Variants in ANGPT1 observed in about 807,000 individuals in gnomAD.
ANGPT1 encodes the protein angiopoietin 1, also known as angiopoietin-1.
In ANGPT1, 17 loss-of-function variants were observed where a neutral mutation model predicts 62.2. The observed-to-expected ratio is 0.27, with a 90% CI of 0.19 to 0.41. The LOEUF is 0.41. Among genes scored for constraint, ANGPT1 ranks in the 10% least tolerant of loss-of-function variants. The pLI, the probability that ANGPT1 is intolerant of heterozygous loss-of-function variation, is 1.00. For synonymous variants in ANGPT1, 199 were observed against 198.9 expected, an observed-to-expected ratio of 1.00 and a Z score of 0.00; for missense variants, 478 against 594.9, an observed-to-expected ratio of 0.80 and a Z score of 2.04.
At chr8:107,287,776 T>C (rs1814177588) in intron 6 of ANGPT1, among the ~76,000 whole-genome samples, 1 of 152,314 alleles carries the variant, frequency 6.6e-6, no homozygotes, top group Admixed American at 6.5e-5. Flanking sequence ...ACATATTTGC[T>C]GTAGAAATAT....
At chr8:107,397,900 C>T (rs1331805551) in intron 1 of ANGPT1, among the ~76,000 whole-genome samples, 1 of 152,266 alleles carries the variant, frequency 6.6e-6, no homozygotes, top group East Asian at 1.9e-4. Context: ...AAAAAACCTA[C>T]TTGTTCATAC....
At position 107,497,253 on chromosome 8, in the gene ANGPT1, A is replaced by G. The variant is rs756249089; in HGVS notation, c.297+9T>C. 2.5e-6 allele frequency: 4 copies of G among 1,612,408 alleles called. No homozygotes were observed. Among genetic ancestry groups the G allele is most frequent in the South Asian group, 2.2e-5 (2 of 90,970 alleles). Reference sequence around the variant, plus strand: ...TCCGTGCTATTAGAAACTGAAAGCAATCACTTACTTTTTGCAGCCACTGAG... The same window carrying G: ...TCCGTGCTATTAGAAACTGAAAGCAGTCACTTACTTTTTGCAGCCACTGAG... On this transcript the variant is annotated intron_variant, in intron 1 of 8. Coordinates refer to ENST00000517746, the MANE Select transcript of ANGPT1 (RefSeq NM_001146.5).
chr8:107,425,668 G>A (rs1271383763), intron 1 of ANGPT1, among the ~76,000 whole-genome samples: 6 of 152,100 alleles, frequency 3.9e-5, no homozygotes, highest in Non-Finnish European at 8.8e-5. Context: ...CCGATCCTGG[G>A]GTTATCCCAA....
chr8:107,440,114 T>C lies in ANGPT1; in HGVS notation c.297+57148A>G, dbSNP rs148021694. ...GATGTTCCATAAACAGAAAGAAATA[T>C]GTGACTGGGTAGAATATGAAAGGTC... On this transcript the variant is annotated intron_variant, in intron 1 of 8. Coordinates refer to ENST00000517746, the MANE Select transcript of ANGPT1 (RefSeq NM_001146.5). Among the ~76,000 whole-genome samples the C allele has an allele frequency of 2.7e-4, 41 of 152,206 alleles. No individual in the cohort carries two copies. In the East Asian group the frequency reaches 7.2e-3, roughly 27 times the overall value.
chr8:107,305,705 A>C (rs1207238290), intron 4 of ANGPT1, among the ~76,000 whole-genome samples: 1 of 152,056 alleles, frequency 6.6e-6, no homozygotes, highest in Non-Finnish European at 1.5e-5. Context: ...CATATCTGAA[A>C]TAGATATTGT....
chr8:107,293,435 A>G (rs1814331645), intron 6 of ANGPT1, among the ~76,000 whole-genome samples: 1 of 152,194 alleles, frequency 6.6e-6, no homozygotes, highest in Non-Finnish European at 1.5e-5. Flanking sequence ...GGAGGATGAC[A>G]AGTGCTACGT....
At position 107,250,003 on chromosome 8, in the gene ANGPT1, G is replaced by C. The variant is rs771920254; in HGVS notation, c.*1852C>G. 1.3e-5 allele frequency: 2 copies of C among 151,760 alleles called. No individual in the cohort carries two copies. Among genetic ancestry groups the C allele is most frequent in the Non-Finnish European group, 3.0e-5 (2 of 67,786 alleles). The allele number at this position is 151,760 out of a possible 1,614,324, so 9.4% of individuals were successfully genotyped here. A position where few individuals can be genotyped will look rare whatever the true frequency, so the allele number is the denominator to read the frequency against. ...AAATATCACTTGTAAGGCAAAAAGGGGTAGAATACAGACACATAAATATAA... is the reference window on the plus strand; with the variant it reads ...AAATATCACTTGTAAGGCAAAAAGGCGTAGAATACAGACACATAAATATAA... On this transcript the variant is annotated 3_prime_UTR_variant, in exon 9 of 9. Coordinates refer to ENST00000517746, the MANE Select transcript of ANGPT1 (RefSeq NM_001146.5).
At chr8:107,447,194 C>T (rs1206089297) in intron 1 of ANGPT1, among the ~76,000 whole-genome samples, 1 of 152,112 alleles carries the variant, frequency 6.6e-6, no homozygotes, top group African/African-American at 2.4e-5. Context: ...ATGCCCTTTT[C>T]CCCTAGATTA....
rs117780224 is a variant in ANGPT1, at chr8:107,364,865, T to C, written c.298-17768A>G. Among the ~76,000 whole-genome samples the C allele has an allele frequency of 3.3e-3, 507 of 152,216 alleles. 2 individuals carry two copies. Among genetic ancestry groups the C allele is most frequent in the Non-Finnish European group, 6.0e-3 (406 of 68,018 alleles). ...CACAAAGTGCTAGGCCAGCAATTAA[T>C]AAAGTGAGAGACTGCAGTGAACGCA... On this transcript the variant is annotated intron_variant, in intron 1 of 8. Transcript: ENST00000517746.
At chr8:107,296,297 G>C (rs1026446829) in intron 5 of ANGPT1, among the ~76,000 whole-genome samples, 20 of 152,150 alleles carry the variant, frequency 1.3e-4, no homozygotes, top group African/African-American at 4.3e-4. Context: ...GCTGTCCCCA[G>C]TACCTAGAGG....
At chr8:107,447,339 A>ATTAT (rs1210759741) in intron 1 of ANGPT1, among the ~76,000 whole-genome samples, 4 of 152,212 alleles carry the variant, frequency 2.6e-5, no homozygotes, top group African/African-American at 9.6e-5. Context: ...TTTCCAACTC[A>ATTAT]TTATTCCCTC....
chr8:107,451,503 T>C (rs1419243951), intron 1 of ANGPT1, among the ~76,000 whole-genome samples: 1 of 151,988 alleles, frequency 6.6e-6, no homozygotes, highest in Non-Finnish European at 1.5e-5. Context: ...GTCAACAGTG[T>C]TGTAAATGCT....
intron 4 of ANGPT1, among the ~76,000 whole-genome samples, chr8:107,304,211 A>C (rs1814662213): frequency 6.6e-6 from 1 of 151,732 alleles, no homozygotes; most frequent in African/African-American, 2.4e-5. Context: ...GGAAAACCTT[A>C]TTTTATTTAC....
chr8:107,337,882 C>T lies in ANGPT1; in HGVS notation c.454-1611G>A, dbSNP rs578183672. 5.3e-5 allele frequency among the ~76,000 whole-genome samples: 8 copies of T among 152,152 alleles called. No homozygotes were observed. In the East Asian group the frequency reaches 1.4e-3, roughly 26 times the overall value. On this transcript the variant is annotated intron_variant, in intron 2 of 8. Coordinates refer to ENST00000517746, the MANE Select transcript of ANGPT1 (RefSeq NM_001146.5). Reference sequence around the variant, plus strand: ...GGCTGTAGCAGGTGGCTTGCTTGAGCTCAGGAGTTCAAGGCCAGCCTGGGT... The same window carrying T: ...GGCTGTAGCAGGTGGCTTGCTTGAGTTCAGGAGTTCAAGGCCAGCCTGGGT...
intron 1 of ANGPT1, among the ~76,000 whole-genome samples, chr8:107,477,241 G>A (rs148074235): frequency 3.3e-5 from 5 of 152,146 alleles, no homozygotes; most frequent in East Asian, 3.9e-4. Flanking sequence ...CCATCCATTC[G>A]TTTATTAACT....
At chr8:107,365,166 A>C (rs1816246746) in intron 1 of ANGPT1, among the ~76,000 whole-genome samples, 1 of 152,236 alleles carries the variant, frequency 6.6e-6, no homozygotes, top group Non-Finnish European at 1.5e-5. Context: ...AAATAGACTG[A>C]TAAGCTGAAG....
At chr8:107,469,082 A>AGG (rs973571513) in intron 1 of ANGPT1, among the ~76,000 whole-genome samples, 1 of 152,070 alleles carries the variant, frequency 6.6e-6, no homozygotes, top group Admixed American at 6.6e-5. Context: ...TCATTCATTT[A>AGG]GTACTTTTTC....
intron 1 of ANGPT1, among the ~76,000 whole-genome samples, chr8:107,399,991 A>G (rs1817013111): frequency 6.6e-6 from 1 of 152,192 alleles, no homozygotes; most frequent in African/African-American, 2.4e-5. Flanking sequence ...CATCTTAACT[A>G]GAAACACAAT....
chr8:107,359,093 T>C (rs1816108089), intron 1 of ANGPT1, among the ~76,000 whole-genome samples: 1 of 152,210 alleles, frequency 6.6e-6, no homozygotes, highest in Non-Finnish European at 1.5e-5. Context: ...ATCAATATTA[T>C]GTTTTTGAGA....
Sources: allele counts gnomAD v4.1 joint callset (sites outside exome capture counted in the v4.1 genomes callset), GRCh38; gene constraint gnomAD v4.1.1; transcripts MANE v1.5; gene names NCBI Gene and HGNC (gene_info 2026-07-23, HGNC 2026-07-21).